SERPINC1: variants seen among roughly 807,000 people sequenced by gnomAD.
The protein encoded by SERPINC1 is antithrombin-III.
Under a neutral mutation model 43.4 loss-of-function variants are expected in SERPINC1, and 12 were observed. The observed-to-expected ratio is 0.28, with a 90% CI of 0.18 to 0.45. The LOEUF is 0.45. SERPINC1 is among the 20% of genes least tolerant of loss of function. The pLI is 1.00. For missense variants in SERPINC1, 423 were observed against 578.8 expected (o/e 0.73, Z 2.76); for synonymous variants, 210 against 218.9 (o/e 0.96, Z 0.36).
In SERPINC1 at chr1:173,910,735, C is replaced by A; in HGVS notation, c.762+19G>T. ...GCAAGAGGAAGTCCCTGGGGTCTCT[C>A]CAGGGCCATTCTGAGTACCTTGAAG... On this transcript the variant is annotated intron_variant, in intron 4 of 6. Coordinates refer to ENST00000367698, the MANE Select transcript of SERPINC1 (RefSeq NM_000488.4). 6.2e-7 allele frequency: 1 copy of A among 1,613,536 alleles called. No homozygotes were observed. The highest frequency in any genetic ancestry group is 8.5e-7 in the Non-Finnish European group (1 of 1,179,552).
chr1:173,906,778 C>T (rs377623913), intron 6 of SERPINC1, among the ~76,000 whole-genome samples: 3 of 152,150 alleles, frequency 2.0e-5, no homozygotes, highest in East Asian at 3.9e-4. Context: ...CCACCATGCC[C>T]AGCCCAGGAG....
At chr1:173,910,969 T>G (rs1657749722) in intron 3 of SERPINC1, 78 bp from the exon 4 acceptor site, 4 of 1,498,656 alleles carry the variant, frequency 2.7e-6, no homozygotes, top group Non-Finnish European at 3.7e-6. Flanking sequence ...GCATTTTATT[T>G]TTCTCACCAT....
In SERPINC1 at chr1:173,909,694, T is replaced by G; in HGVS notation, c.1011A>C (p.Gln337His). 6.2e-7 allele frequency: 1 copy of G among 1,614,000 alleles called. No individual in the cohort carries two copies. The highest frequency in any genetic ancestry group is 8.5e-7 in the Non-Finnish European group (1 of 1,179,918). ...TCTCCTCCAATTCATCCAGCCACTC[T>G]TGCAGCACCTCTGGGGTGAGTTCCT... ...VEKELTPEVL[Q>H]EWLDELEEMM... The change falls in exon 5 of 7, where the codon CAA (glutamine) becomes CAC (histidine). Residue 337 changes from glutamine (Q) to histidine (H), a missense_variant. By Grantham distance (24) the Gln-to-His change is conservative. Transcript: ENST00000367698.
In SERPINC1 at chr1:173,910,861, T is replaced by C. The variant is rs121909571; in HGVS notation, c.655A>G (p.Asn219Asp). 3.7e-5 allele frequency: 60 copies of C among 1,614,044 alleles called. No homozygotes were observed. Among genetic ancestry groups the C allele is most frequent in the Non-Finnish European group, 4.9e-5 (58 of 1,180,034 alleles). Residue 219 changes from asparagine to aspartate, a missense_variant, in exon 4 of 7, where the codon AAC (asparagine) becomes GAC (aspartate). Physicochemically the swap from Asn to Asp is conservative, Grantham distance 23 (BLOSUM62 1). Transcript: ENST00000367698. ...TCGGTCTTATTGGACACCCATTTGT[T>C]GATGGCCGCTCTGGATTGCTCTGCA... ...ENAEQSRAAI[N>D]KWVSNKTEGR...
intron 5 of SERPINC1, among the ~76,000 whole-genome samples, chr1:173,908,574 A>G (rs1657629450): frequency 2.7e-5 from 4 of 148,430 alleles, no homozygotes; most frequent in Admixed American, 2.0e-4. Context: ...TTATTTATTT[A>G]TTTAGTGATA....
chr1:173,905,965 C>T (rs1657487260), intron 6 of SERPINC1, among the ~76,000 whole-genome samples: 1 of 152,178 alleles, frequency 6.6e-6, no homozygotes, highest in Non-Finnish European at 1.5e-5. Context: ...TTCCACTTTC[C>T]TCTGAGTTTG....
chr1:173,916,113 TA>T (rs1478192450), intron 1 of SERPINC1, among the ~76,000 whole-genome samples: 1 of 152,210 alleles, frequency 6.6e-6, no homozygotes, highest in Non-Finnish European at 1.5e-5. Context: ...TCAATGAAGG[TA>T]AATGAAGCTA....
intron 2 of SERPINC1, among the ~76,000 whole-genome samples, chr1:173,912,372 G>A (rs1237574935): frequency 6.6e-6 from 1 of 152,188 alleles, no homozygotes; most frequent in Non-Finnish European, 1.5e-5. Flanking sequence ...AAACACTTTT[G>A]TGGCATCTAC....
intron 1 of SERPINC1, 109 bp downstream of exon 1, chr1:173,917,110 C>T: frequency 2.2e-6 from 2 of 928,002 alleles, no homozygotes; most frequent in South Asian, 2.7e-5. Flanking sequence ...CTGTAACTAC[C>T]AGGGAGAGGG....
chr1:173,904,816 A>G (rs1036824713), intron 6 of SERPINC1, among the ~76,000 whole-genome samples: 1 of 151,776 alleles, frequency 6.6e-6, no homozygotes, highest in Non-Finnish European at 1.5e-5. Flanking sequence ...TACCTATTTC[A>G]TGCTCATTCC....
chr1:173,907,691 C>G (rs924304089), intron 5 of SERPINC1, among the ~76,000 whole-genome samples, 177 bp from the exon 6 acceptor site: 2 of 152,026 alleles, frequency 1.3e-5, no homozygotes, highest in Non-Finnish European at 1.5e-5. Flanking sequence ...TAATAAAGTA[C>G]TTTGGGGGCT....
chr1:173,915,193 G>GA, intron 1 of SERPINC1: 1 of 1,330,684 alleles, frequency 7.5e-7, no homozygotes, highest in Non-Finnish European at 9.7e-7. Flanking sequence ...CACGCTGGGA[G>GA]AAAAAAGAAT....
At chr1:173,908,049 G>C (rs1657604290) in intron 5 of SERPINC1, among the ~76,000 whole-genome samples, 1 of 150,322 alleles carries the variant, frequency 6.7e-6, no homozygotes, top group Non-Finnish European at 1.5e-5. Context: ...GGCTTGTTCA[G>C]CATGGCTCCT....
intron 1 of SERPINC1, among the ~76,000 whole-genome samples, chr1:173,915,970 C>T (rs1657971982): frequency 6.6e-6 from 1 of 152,106 alleles, no homozygotes; most frequent in African/African-American, 2.4e-5. Context: ...TAGTCAAACC[C>T]CAGAGTCAAT....
chr1:173,908,397 G>A (rs936516557), intron 5 of SERPINC1, among the ~76,000 whole-genome samples: 2 of 149,316 alleles, frequency 1.3e-5, no homozygotes, highest in Non-Finnish European at 3.0e-5. Flanking sequence ...GGCTGAGGCA[G>A]GAGAATCACT....
At chr1:173,904,379 AT>A (rs564783221) in intron 6 of SERPINC1, among the ~76,000 whole-genome samples, 1 of 152,050 alleles carries the variant, frequency 6.6e-6, no homozygotes, top group African/African-American at 2.4e-5. Context: ...TTTACAGCGG[AT>A]TTTTTTTGTA....
Position 173,911,852 on chromosome 1 carries a change from G to A in SERPINC1, c.571C>T (p.Gln191Ter). ...DKSLTFNETY[Q>*]DISELVYGAK... ...CCATATACCAACTCACTGATGTCCT[G>A]GTAGGTCTCATTGAAGGTAAGGGAT... is the stretch of plus-strand genomic sequence containing the variant. The change falls in exon 3 of 7, where the codon CAG becomes TAG. Residue 191 changes from glutamine (Q) to a stop codon, truncating the protein, a stop_gained. Transcript: ENST00000367698. LOFTEE classifies it high-confidence loss of function. 1 of 1,614,160 alleles carries A rather than the reference G, an allele frequency of 6.2e-7. No individual in the cohort carries two copies. Among genetic ancestry groups the A allele is most frequent in the Non-Finnish European group, 8.5e-7 (1 of 1,180,012 alleles).
chr1:173,904,127 AATC>A, intron 6 of SERPINC1, 62 bp from the exon 7 acceptor site: 1 of 1,488,498 alleles, frequency 6.7e-7, no homozygotes. Flanking sequence ...TTGGCAGGTA[AATC>A]ATCCACAGAC....
At chr1:173,915,299 G>T in intron 1 of SERPINC1, 1 of 476,784 alleles carries the variant, frequency 2.1e-6, no homozygotes, top group Non-Finnish European at 3.2e-6. Context: ...GCCATCTACA[G>T]AAACTGTTTG....
Sources: gnomAD v4.1 joint callset for allele counts (sites outside exome capture counted in the v4.1 genomes callset) on GRCh38, gnomAD v4.1.1 for gene constraint, MANE v1.5 for transcripts, NCBI Gene and HGNC (gene_info 2026-07-23, HGNC 2026-07-21) for gene names.